The following PLD4 variants were observed in gnomAD, a reference collection of about 807,000 sequenced individuals.
PLD4 encodes the protein 5'-3' exonuclease PLD4.
Under a neutral mutation model 52.3 loss-of-function variants are expected in PLD4, and 54 were observed. The observed-to-expected ratio is 1.03, with a 90% CI of 0.83 to 1.30. The LOEUF is 1.30. Among genes scored for constraint, PLD4 ranks in the 50% most tolerant of loss-of-function variants. The pLI, the probability that PLD4 is intolerant of heterozygous loss-of-function variation, is 0.00. For synonymous variants in PLD4, 264 were observed against 286.5 expected (o/e 0.92, Z 0.79); for missense variants, 731 against 671.1 (o/e 1.09, Z -0.99).
intron 3 of PLD4, 124 bp downstream of exon 3, chr14:104,927,990 G>A: frequency 3.5e-6 from 4 of 1,149,810 alleles, no homozygotes; most frequent in Non-Finnish European, 4.7e-6. Context: ...GGAAGGTGCA[G>A]GTCACCAGGG....
intron 1 of PLD4, among the ~76,000 whole-genome samples, chr14:104,926,788 AAG>A (rs1289981442): frequency 3.3e-5 from 5 of 152,212 alleles, no homozygotes; most frequent in Admixed American, 3.3e-4. Context: ...GAGACCCTGA[AAG>A]GGGAGACACA....
chr14:104,937,128 G>A (rs1897830239), downstream of PLD4: 1 of 152,268 alleles, frequency 6.6e-6, no homozygotes, highest in African/African-American at 2.4e-5. Context: ...ATGATAGGTA[G>A]GCAACCACCC....
Position 104,932,105 on chromosome 14 carries a change from C to A in PLD4, c.1152C>A (p.Asp384Glu). 6.2e-7 allele frequency: 1 copy of A among 1,611,100 alleles called. No homozygotes were observed. Among genetic ancestry groups the A allele is most frequent in the Non-Finnish European group, 8.5e-7 (1 of 1,179,350 alleles). The stretch of plus-strand genomic sequence containing the variant: ...TGGTCGGCTGCGGACTCAACACGGA[C>A]CCCACCATGTTCCCCTACCTGCGGT... ...RLLVGCGLNT[D>E]PTMFPYLRSL... Residue 384 changes from aspartate (D) to glutamate (E), a missense_variant, in exon 9 of 11, where the codon GAC becomes GAA. By Grantham distance (45) the Asp-to-Glu change is conservative. Coordinates refer to ENST00000392593, the MANE Select transcript of PLD4 (RefSeq NM_138790.5). The surrounding 1 kb of genome is among the most constrained non-coding windows in gnomAD (Gnocchi z 6.5).
At chr14:104,930,190 G>GCAT (rs1182991320) in intron 6 of PLD4, 85 bp downstream of exon 6, 44 of 1,555,588 alleles carry the variant, frequency 2.8e-5, no homozygotes, top group Non-Finnish European at 3.8e-5. Context: ...ACATCTCAGT[G>GCAT]CATCTGGAGA....
Position 104,932,900 on chromosome 14 carries a change from G to T in PLD4, c.1457G>T (p.Ser486Ile). The T allele has an allele frequency of 6.2e-7, 1 of 1,603,156 alleles. No individual in the cohort carries two copies. Among genetic ancestry groups the T allele is most frequent in the Non-Finnish European group, 8.5e-7 (1 of 1,175,876 alleles). ...QLRQLFERDW[S>I]SRYAVGLDGQ... ...CGGCAGCTCTTTGAGCGGGACTGGAGTTCGCGCTACGCCGTCGGCCTGGAC... is the reference window on the plus strand; with the variant it reads ...CGGCAGCTCTTTGAGCGGGACTGGATTTCGCGCTACGCCGTCGGCCTGGAC... Residue 486 changes from serine (S) to isoleucine (I), a missense_variant, in exon 11 of 11, where the codon AGT (serine) becomes ATT (isoleucine). Coordinates refer to ENST00000392593, the MANE Select transcript of PLD4 (RefSeq NM_138790.5). The surrounding 1 kb of genome is among the most constrained non-coding windows in gnomAD (Gnocchi z 6.5).
chr14:104,929,544 A>T, intron 5 of PLD4, 117 bp downstream of exon 5: 2 of 1,406,828 alleles, frequency 1.4e-6, no homozygotes, highest in Non-Finnish European at 1.9e-6. Flanking sequence ...GGACTTCCCT[A>T]GGACACCCCA....
At position 104,932,238 on chromosome 14, in the gene PLD4, C is replaced by T. The variant is rs1226948312; in HGVS notation, c.1225-21C>T. The T allele has an allele frequency of 2.5e-6, 4 of 1,612,344 alleles. No homozygotes were observed. The African/African-American group carries it at 4.0e-5, about 16-fold the overall frequency. ...GGCCCTCCTGCCGCCCTTCCTGACG[C>T]GCTGCCTCTGCTCCCCTAAGAAAGT... On this transcript the variant is annotated intron_variant, in intron 9 of 10. Coordinates refer to ENST00000392593, the MANE Select transcript of PLD4 (RefSeq NM_138790.5). The surrounding 1 kb of genome is among the most constrained non-coding windows in gnomAD (Gnocchi z 6.5).
chr14:104,927,081 A>G, intron 1 of PLD4, 60 bp from the exon 2 acceptor site: 1 of 1,437,890 alleles, frequency 7.0e-7, no homozygotes. Context: ...CTGCCCAGGC[A>G]CTGAGGGGCA....
intron 1 of PLD4, 126 bp from the exon 2 acceptor site, chr14:104,927,015 G>A: frequency 3.7e-6 from 3 of 805,936 alleles, no homozygotes; most frequent in Non-Finnish European, 5.3e-6. Flanking sequence ...GGGCATGAGT[G>A]GGGGGCTTTT....
Position 104,932,754 on chromosome 14 carries a change from C to T in PLD4, c.1322-11C>T, listed in dbSNP as rs1301824651. The T allele has an allele frequency of 1.3e-6, 2 of 1,535,862 alleles. No homozygotes were observed. Among genetic ancestry groups the T allele is most frequent in the Non-Finnish European group, 1.8e-6 (2 of 1,137,638 alleles). On this transcript the variant is annotated splice_polypyrimidine_tract_variant and intron_variant, in intron 10 of 10. Transcript: ENST00000392593. This position sits in a 1 kb window ranked among gnomAD's most constrained non-coding sequence, Gnocchi z 6.5. ...GCCGGCGCCCCAGTGTCTCCTCCATCCTCCCCGCAGGCACCTCCAACTGGT... is the reference window on the plus strand; with the variant it reads ...GCCGGCGCCCCAGTGTCTCCTCCATTCTCCCCGCAGGCACCTCCAACTGGT...
At chr14:104,935,506 G>C (rs1367692494), downstream of PLD4, 1 of 152,310 alleles carries the variant, frequency 6.6e-6, no homozygotes, top group Non-Finnish European at 1.5e-5. Flanking sequence ...ACAGACTCTA[G>C]AATGGCTCCC....
chr14:104,930,081 C>T lies in PLD4; in HGVS notation c.693C>T (p.Asn231=), dbSNP rs1897593430. Residue 231 remains asparagine, a synonymous_variant, in exon 6 of 11, where the codon AAC becomes AAT. Transcript: ENST00000392593. ...GGCACATATACATGGGCAGTGCCAACATGGACTGGCGGTCTCTGACGCAGG... is the reference window on the plus strand; with the variant it reads ...GGCACATATACATGGGCAGTGCCAATATGGACTGGCGGTCTCTGACGCAGG... ...DGRHIYMGSA[N]MDWRSLTQVK... The T allele has an allele frequency of 8.1e-6, 13 of 1,613,404 alleles. No homozygotes were observed. The South Asian group carries it at 1.4e-4, about 18-fold the overall frequency.
chr14:104,932,383 G>A lies in PLD4; in HGVS notation c.1321+28G>A. ...GAGCGCGATCAGATCACGGCGGGCG[G>A]GCCCCAGGGTGGCCAGGCACGGGCG... On this transcript the variant is annotated intron_variant, in intron 10 of 10. Transcript: ENST00000392593. The surrounding 1 kb of genome is among the most constrained non-coding windows in gnomAD (Gnocchi z 6.5). The A allele has an allele frequency of 6.2e-7, 1 of 1,608,778 alleles. No individual in the cohort carries two copies. The highest frequency in any genetic ancestry group is 8.5e-7 in the Non-Finnish European group (1 of 1,177,034).
intron 2 of PLD4, 114 bp downstream of exon 2, chr14:104,927,344 C>A: frequency 2.1e-6 from 2 of 966,948 alleles, no homozygotes; most frequent in East Asian, 2.7e-5. Context: ...AGCAGAGGTG[C>A]CCTGACTGGT....
Position 104,932,665 on chromosome 14 carries a change from G to C in PLD4, c.1322-100G>C. The C allele has an allele frequency of 7.9e-7, 1 of 1,264,890 alleles. No homozygotes were observed. Among genetic ancestry groups the C allele is most frequent in the Non-Finnish European group, 1.1e-6 (1 of 931,224 alleles). The allele number at this position is 1,264,890 out of a possible 1,614,324, so 78.4% of individuals were successfully genotyped here. A position where few individuals can be genotyped will look rare whatever the true frequency, so the allele number is the denominator to read the frequency against. ...TCTGATGACAGTGGAGGGGCCAGCTGCCAACCGTCCCCAAACCCGTAGCCG... is the reference window on the plus strand; with the variant it reads ...TCTGATGACAGTGGAGGGGCCAGCTCCCAACCGTCCCCAAACCCGTAGCCG... On this transcript the variant is annotated intron_variant, in intron 10 of 10. Coordinates refer to ENST00000392593, the MANE Select transcript of PLD4 (RefSeq NM_138790.5). This position sits in a 1 kb window ranked among gnomAD's most constrained non-coding sequence, Gnocchi z 6.5.
At chr14:104,926,941 G>A (rs1294533578) in intron 1 of PLD4, among the ~76,000 whole-genome samples, 200 bp from the exon 2 acceptor site, 1 of 152,194 alleles carries the variant, frequency 6.6e-6, no homozygotes, top group South Asian at 2.1e-4. Flanking sequence ...CCGGCTGCGG[G>A]CTCCAACACC....
chr14:104,928,040 G>A (rs1401502141), intron 3 of PLD4, among the ~76,000 whole-genome samples, 174 bp downstream of exon 3: 3 of 152,122 alleles, frequency 2.0e-5, no homozygotes, highest in Non-Finnish European at 2.9e-5. Context: ...GGCTGGGGAC[G>A]GGGCAGGCGT....
rs566213720 is a variant in PLD4 at position 104,925,804 on chromosome 14, G to A, written c.-1+814G>A. Among the ~76,000 whole-genome samples the A allele has an allele frequency of 2.7e-4, 41 of 152,158 alleles. 1 individual carries two copies. The highest frequency in any genetic ancestry group is 9.4e-4 in the African/African-American group (39 of 41,540). ...AGCATCCCCCAGAGTTCAGCTCTGGGGTGGGGGCGGCACCCACCCACCTCT... is the reference window on the plus strand; with the variant it reads ...AGCATCCCCCAGAGTTCAGCTCTGGAGTGGGGGCGGCACCCACCCACCTCT... On this transcript the variant is annotated intron_variant, in intron 1 of 10. Transcript: ENST00000392593.
At chr14:104,925,846 TG>T (rs1897438009) in intron 1 of PLD4, among the ~76,000 whole-genome samples, 2 of 151,886 alleles carry the variant, frequency 1.3e-5, no homozygotes, top group African/African-American at 2.4e-5. Flanking sequence ...CCCCCCAGCG[TG>T]GGGGGAGTTG....
Sources: gnomAD v4.1 joint callset for allele counts (sites outside exome capture counted in the v4.1 genomes callset) on GRCh38, gnomAD v4.1.1 for gene constraint, Gnocchi (gnomAD v3.1) non-coding constraint, MANE v1.5 for transcripts, NCBI Gene and HGNC (gene_info 2026-07-23, HGNC 2026-07-21) for gene names.